Variants in WDR93 observed in about 807,000 individuals in gnomAD.
WDR93 encodes WD repeat domain 93.
WDR93 carries 73 observed loss-of-function variants against 82.9 expected under a neutral mutation model. The ratio of observed to expected loss-of-function variants is 0.88; its 90% confidence interval spans 0.73 to 1.07. WDR93 has a LOEUF of 1.07. Among genes scored for constraint, WDR93 ranks in the 50% least tolerant of loss-of-function variants. The pLI is 0.00. For synonymous variants in WDR93, 283 were observed against 300.1 expected, an observed-to-expected ratio of 0.94 and a Z score of 0.59; for missense variants, 738 against 826.0, an observed-to-expected ratio of 0.89 and a Z score of 1.31.
At chr15:89,692,053 T>C (rs1964916340) in intron 1 of WDR93, among the ~76,000 whole-genome samples, 1 of 152,186 alleles carries the variant, frequency 6.6e-6, no homozygotes, top group African/African-American at 2.4e-5. Context: ...CTTTCTTTTC[T>C]GGTTTCTGGT....
In WDR93 at chr15:89,727,287, CAAG is replaced by C; in HGVS notation, c.1015_1017del (p.Lys339del). The stretch of plus-strand genomic sequence containing the variant: ...AAGCTGAGATCTTCAACGCTTCCTA[CAAG>C]AAGTACCTAGATAGGGAGTGGGAGG... On this transcript the variant is annotated inframe_deletion, in exon 9 of 17. Coordinates refer to ENST00000268130, the MANE Select transcript of WDR93 (RefSeq NM_020212.2). The C allele has an allele frequency of 6.2e-7, 1 of 1,614,102 alleles. No individual in the cohort carries two copies. The highest frequency in any genetic ancestry group is 2.2e-5 in the East Asian group (1 of 44,886).
At chr15:89,740,997 G>A (rs1195237577) in intron 16 of WDR93, among the ~76,000 whole-genome samples, 5 of 151,904 alleles carry the variant, frequency 3.3e-5, no homozygotes, top group East Asian at 2.0e-4. Flanking sequence ...AAAATTAACC[G>A]GGCACGGTGG....
intron 13 of WDR93, among the ~76,000 whole-genome samples, chr15:89,734,954 A>G (rs1967038543): frequency 6.6e-6 from 1 of 152,096 alleles, no homozygotes; most frequent in African/African-American, 2.4e-5. Flanking sequence ...TATATTCTCC[A>G]ACTTGTCTTC....
chr15:89,740,607 T>G (rs1967591053), intron 16 of WDR93, among the ~76,000 whole-genome samples: 1 of 152,148 alleles, frequency 6.6e-6, no homozygotes, highest in Non-Finnish European at 1.5e-5. Context: ...GTTCAAGCGA[T>G]TCTCCTGCCT....
chr15:89,735,651 G>C (rs1407924008), intron 14 of WDR93, 98 bp downstream of exon 14: 2 of 1,280,912 alleles, frequency 1.6e-6, no homozygotes, highest in Non-Finnish European at 2.3e-6. Flanking sequence ...TTGAAGGCCT[G>C]TTATGTGTTA....
chr15:89,726,872 C>A (rs908541375), intron 8 of WDR93, among the ~76,000 whole-genome samples: 1 of 152,168 alleles, frequency 6.6e-6, no homozygotes, highest in African/African-American at 2.4e-5. Context: ...CCGCCCCCCA[C>A]ACCCTGGCCT....
intron 7 of WDR93, among the ~76,000 whole-genome samples, chr15:89,720,849 GT>G (rs1966495948): frequency 6.6e-6 from 1 of 152,104 alleles, no homozygotes. Flanking sequence ...TCTCCTTTCT[GT>G]TTTTCCTTTT....
intron 11 of WDR93, among the ~76,000 whole-genome samples, chr15:89,730,606 A>T (rs1293552071): frequency 6.6e-6 from 1 of 152,170 alleles, no homozygotes; most frequent in Non-Finnish European, 1.5e-5. Context: ...TTACAAATTT[A>T]TGGAGGTGAC....
At chr15:89,727,463 C>A in intron 9 of WDR93, 135 bp downstream of exon 9, 1 of 990,982 alleles carries the variant, frequency 1.0e-6, no homozygotes, top group Non-Finnish European at 1.4e-6. Flanking sequence ...CAGTGGCCCA[C>A]ATCTGTAATC....
intron 14 of WDR93, among the ~76,000 whole-genome samples, chr15:89,737,064 T>C (rs1263800883): frequency 6.6e-6 from 1 of 152,186 alleles, no homozygotes. Flanking sequence ...GTGCTGGGAT[T>C]ACAGGCATGA....
At chr15:89,693,335 G>A (rs1166210986) in intron 1 of WDR93, among the ~76,000 whole-genome samples, 2 of 152,194 alleles carry the variant, frequency 1.3e-5, no homozygotes, top group African/African-American at 2.4e-5. Flanking sequence ...ATGCGTGAGA[G>A]CTTATCTGTT....
chr15:89,720,795 T>C (rs887515066), intron 7 of WDR93, among the ~76,000 whole-genome samples: 4 of 152,236 alleles, frequency 2.6e-5, no homozygotes, highest in African/African-American at 9.6e-5. Context: ...AAAAGGATGT[T>C]TGAAGACCAA....
Position 89,727,063 on chromosome 15 carries a change from T to C in WDR93, c.881-94T>C, listed in dbSNP as rs1966765512. 2.1e-6 allele frequency: 3 copies of C among 1,402,436 alleles called. No individual in the cohort carries two copies. In the Admixed American group the frequency reaches 6.0e-5, roughly 28 times the overall value. The allele number at this position is 1,402,436 out of a possible 1,614,324, so 86.9% of individuals were successfully genotyped here. ...GAATCGATTTCTGAGGCTGAGGGAT[T>C]CTGCAGGAAGCTGGGAAGAGTGGAA... On this transcript the variant is annotated intron_variant, in intron 8 of 16. Coordinates refer to ENST00000268130, the MANE Select transcript of WDR93 (RefSeq NM_020212.2).
intron 13 of WDR93, among the ~76,000 whole-genome samples, chr15:89,735,167 C>G (rs1474268446): frequency 6.6e-6 from 1 of 152,142 alleles, no homozygotes; most frequent in Non-Finnish European, 1.5e-5. Context: ...CCACTGCACC[C>G]AGCCTCCAAC....
intron 7 of WDR93, among the ~76,000 whole-genome samples, chr15:89,717,233 A>G (rs1271877949): frequency 2.0e-5 from 3 of 151,334 alleles, no homozygotes; most frequent in Non-Finnish European, 4.4e-5. Context: ...CTAATATTGT[A>G]TTTTTAGTAG....
At chr15:89,726,527 T>C (rs184743506) in intron 8 of WDR93, among the ~76,000 whole-genome samples, 67 of 152,284 alleles carry the variant, frequency 4.4e-4, no homozygotes, top group Admixed American at 2.7e-3. Flanking sequence ...GCAGGTACCT[T>C]CCAAAGTGAA....
chr15:89,714,419 G>A (rs1966148890), intron 5 of WDR93: 1 of 152,468 alleles, frequency 6.6e-6, no homozygotes. Context: ...CACCCACTGG[G>A]TTCAAGTGAT....
rs533432352 is a variant in WDR93, at chr15:89,729,670, G to A, written c.1124-13G>A. On this transcript the variant is annotated splice_polypyrimidine_tract_variant and intron_variant, in intron 10 of 16. Transcript: ENST00000268130. ...AACACCCATTTTCTGTCTTTCCCCC[G>A]CCCCCCCACCAGGAATGGCCTGTGT... The A allele has an allele frequency of 2.2e-5, 36 of 1,602,556 alleles. No homozygotes were observed. Among genetic ancestry groups the A allele is most frequent in the East Asian group, 9.0e-5 (4 of 44,428 alleles).
rs775842818 is a variant in WDR93 at position 89,733,148 on chromosome 15, C to T, written c.1473C>T (p.Cys491=). The change falls in exon 13 of 17, where the codon TGC becomes TGT. Residue 491 remains cysteine (C), a synonymous_variant. Transcript: ENST00000268130. Reference sequence around the variant, plus strand: ...CCCAAATGAAATGTGTGGTGCTGTGCACAGACGCCTCCCTCCATCTGGTGG... The same window carrying T: ...CCCAAATGAAATGTGTGGTGCTGTGTACAGACGCCTCCCTCCATCTGGTGG... ...VKSQMKCVVL[C]TDASLHLVEA... 2.5e-6 allele frequency: 4 copies of T among 1,614,044 alleles called. No individual in the cohort carries two copies. Among genetic ancestry groups the T allele is most frequent in the African/African-American group, 2.7e-5 (2 of 74,934 alleles).
Sources: gnomAD v4.1 joint callset for allele counts (sites outside exome capture counted in the v4.1 genomes callset) on GRCh38, gnomAD v4.1.1 for gene constraint, MANE v1.5 for transcripts, NCBI Gene and HGNC (gene_info 2026-07-23, HGNC 2026-07-21) for gene names.